Variants in MEGF6 observed in about 807,000 individuals in gnomAD.
MEGF6 encodes the protein multiple epidermal growth factor-like domains protein 6.
MEGF6 carries 184 observed loss-of-function variants against 207.1 expected under a neutral mutation model. The ratio of observed to expected loss-of-function variants is 0.89; its 90% CI spans 0.79 to 1.00. The LOEUF (loss-of-function observed/expected upper bound fraction) is 1.00. Among genes scored for constraint, MEGF6 ranks in the 50% least tolerant of loss-of-function variants. The pLI, the probability that MEGF6 is intolerant of heterozygous loss-of-function variation, is 0.00. For missense variants in MEGF6, 2,282 were observed against 2,202.9 expected, an observed-to-expected ratio of 1.04 and a Z score of -0.72; for synonymous variants, 1,038 against 910.0, an observed-to-expected ratio of 1.14 and a Z score of -2.53.
intron 5 of MEGF6, among the ~76,000 whole-genome samples, chr1:3,521,916 C>T (rs950704065): frequency 2.6e-5 from 4 of 152,214 alleles, no homozygotes; most frequent in African/African-American, 9.6e-5. Context: ...CTAGTCCTCA[C>T]GTGTTCCCAG....
intron 4 of MEGF6, among the ~76,000 whole-genome samples, chr1:3,524,911 G>A (rs574526138): frequency 6.6e-6 from 1 of 152,306 alleles, no homozygotes; most frequent in South Asian, 2.1e-4. Context: ...TGGTGACGAG[G>A]CTACGGGCTA....
chr1:3,509,816 G>T, intron 11 of MEGF6, 54 bp downstream of exon 11: 1 of 1,499,020 alleles, frequency 6.7e-7, no homozygotes. Context: ...AGGGTCAGCT[G>T]GGGCAAACTC....
At chr1:3,557,331 T>C (rs1643064972) in intron 4 of MEGF6, among the ~76,000 whole-genome samples, 1 of 152,136 alleles carries the variant, frequency 6.6e-6, no homozygotes, top group Admixed American at 6.5e-5. Context: ...ACCTTTACCA[T>C]GAAAAACAAA....
At chr1:3,580,155 G>A (rs1466487886) in intron 3 of MEGF6, among the ~76,000 whole-genome samples, 1 of 152,076 alleles carries the variant, frequency 6.6e-6, no homozygotes, top group Non-Finnish European at 1.5e-5. Flanking sequence ...CCCCTCTGGA[G>A]GGCAGTAAAG....
chr1:3,620,844 G>A, the MEGF6 span, among the ~76,000 whole-genome samples: 1 of 152,268 alleles, frequency 6.6e-6, no homozygotes, highest in African/African-American at 2.4e-5. Context: ...TACAAGACAA[G>A]GGGGCAGGGT....
chr1:3,578,851 C>T lies in MEGF6; in HGVS notation c.481+974G>A, dbSNP rs76613457. 4.8e-3 allele frequency among the ~76,000 whole-genome samples: 657 copies of T among 137,536 alleles called. 10 individuals are homozygous for T. Among genetic ancestry groups the T allele is most frequent in the African/African-American group, 6.0e-3 (211 of 35,020 alleles). 90.2% of individuals were successfully genotyped at this position (137,536 alleles called of 152,430 possible). A position where few individuals can be genotyped will look rare whatever the true frequency, so the allele number is the denominator to read the frequency against. On this transcript the variant is annotated intron_variant, in intron 4 of 36. Coordinates refer to ENST00000356575, the MANE Select transcript of MEGF6 (RefSeq NM_001409.4). ...GGCAGGAGTGTCACCCAGCTCAGAA[C>T]GCTGGGGAGACCCAGCACCTCTGCA...
chr1:3,505,613 C>T (rs1037220659), intron 15 of MEGF6, 57 bp from the exon 16 acceptor site: 15 of 1,484,812 alleles, frequency 1.0e-5, no homozygotes, highest in African/African-American at 4.2e-5. Flanking sequence ...CCTCCCAGAC[C>T]GCTTCCACCA....
intron 1 of MEGF6, among the ~76,000 whole-genome samples, chr1:3,606,829 A>C (rs1644255911): frequency 6.6e-6 from 1 of 152,148 alleles, no homozygotes; most frequent in South Asian, 2.1e-4. Flanking sequence ...TCTGGGCTAC[A>C]GGGTCCAGCC....
At position 3,509,216 on chromosome 1, in the gene MEGF6, C is replaced by T. The variant is rs768866162; in HGVS notation, c.1387G>A (p.Gly463Ser). 3.6e-5 allele frequency: 55 copies of T among 1,542,836 alleles called. No homozygotes were observed. Among genetic ancestry groups the T allele is most frequent in the Non-Finnish European group, 4.4e-5 (50 of 1,142,876 alleles). The change falls in exon 12 of 37, where the codon GGC (glycine) becomes AGC (serine). Residue 463 changes from glycine to serine, a missense_variant. Physicochemically the swap from Gly to Ser is moderately conservative, Grantham distance 56. Coordinates refer to ENST00000356575, the MANE Select transcript of MEGF6 (RefSeq NM_001409.4). ...PLEEPMVDLD[G>S]ELPFVRPLPH... ...AGGGGCCGCACGAAAGGCAGCTCGC[C>T]GTCCAGGTCCACCATCGGCTCCTCC... is the stretch of plus-strand genomic sequence containing the variant.
intron 4 of MEGF6, among the ~76,000 whole-genome samples, chr1:3,541,245 C>T (rs1468817567): frequency 3.3e-5 from 5 of 152,258 alleles, no homozygotes; most frequent in South Asian, 2.1e-4. Flanking sequence ...GGGGCTGCCG[C>T]CCAGGCTTGG....
chr1:3,520,985 G>A (rs34298843), intron 5 of MEGF6, among the ~76,000 whole-genome samples: 1 of 152,164 alleles, frequency 6.6e-6, no homozygotes, highest in Admixed American at 6.5e-5. Context: ...TGGATTTTTA[G>A]GCAGCTTCTC....
intron 4 of MEGF6, among the ~76,000 whole-genome samples, chr1:3,552,847 C>G (rs1345316668): frequency 6.6e-6 from 1 of 152,142 alleles, no homozygotes; most frequent in Non-Finnish European, 1.5e-5. Flanking sequence ...CCAAGCCCAG[C>G]TGGGTCTTCC....
At chr1:3,589,891 A>T (rs1299127057) in intron 3 of MEGF6, among the ~76,000 whole-genome samples, 1 of 152,264 alleles carries the variant, frequency 6.6e-6, no homozygotes, top group Admixed American at 6.5e-5. Context: ...TCAGGAATCC[A>T]CAGGGCACAT....
At chr1:3,579,045 C>T (rs1016245642) in intron 4 of MEGF6, among the ~76,000 whole-genome samples, 2 of 152,232 alleles carry the variant, frequency 1.3e-5, no homozygotes, top group African/African-American at 4.8e-5. Context: ...GGCATGGAGC[C>T]CCGGTGGCCA....
chr1:3,515,513 C>A lies in MEGF6; in HGVS notation c.619G>T (p.Ala207Ser). ...TGCTGGCAGCCGCCATTGCCCAGGG[C>A]GCAGGAGTTAATGGCTGGGGACACA... is the stretch of plus-strand genomic sequence containing the variant. The part of the protein sequence containing the change: ...SRTCLAINSC[A>S]LGNGGCQHHC... Residue 207 changes from alanine (A) to serine (S), a missense_variant, in exon 6 of 37, where the codon GCC (alanine) becomes TCC (serine). Physicochemically the swap from Ala to Ser is moderately conservative, Grantham distance 99. Transcript: ENST00000356575. The A allele has an allele frequency of 6.2e-7, 1 of 1,612,406 alleles. No individual in the cohort carries two copies. Among genetic ancestry groups the A allele is most frequent in the Non-Finnish European group, 8.5e-7 (1 of 1,179,616 alleles).
At chr1:3,493,154 C>T (rs1233524261) in intron 34 of MEGF6, 2 of 270,722 alleles carry the variant, frequency 7.4e-6, no homozygotes, top group Non-Finnish European at 1.4e-5. Flanking sequence ...CCCCTCCTAT[C>T]CTCAGGTGGG....
intron 1 of MEGF6, among the ~76,000 whole-genome samples, chr1:3,609,217 T>A (rs577633413): frequency 3.3e-4 from 50 of 152,222 alleles, no homozygotes; most frequent in African/African-American, 1.1e-3. Flanking sequence ...CCCACCCCCG[T>A]ACCAGAGCCC....
chr1:3,493,051 G>A (rs1640438232), intron 34 of MEGF6: 1 of 471,464 alleles, frequency 2.1e-6, no homozygotes, highest in Non-Finnish European at 3.8e-6. Context: ...CCCGCCCCAG[G>A]AGGGCAAACA....
At chr1:3,495,180 G>A (rs1640549634) in intron 30 of MEGF6, among the ~76,000 whole-genome samples, 1 of 152,200 alleles carries the variant, frequency 6.6e-6, no homozygotes, top group Admixed American at 6.5e-5. Flanking sequence ...CCGGATGCCT[G>A]ATGACCGGCC....
Sources: gnomAD v4.1 joint callset for allele counts (sites outside exome capture counted in the v4.1 genomes callset) on GRCh38, gnomAD v4.1.1 for gene constraint, MANE v1.5 for transcripts, NCBI Gene and HGNC (gene_info 2026-07-23, HGNC 2026-07-21) for gene names.